Variants in TENM1 observed in about 807,000 individuals in gnomAD.
TENM1 encodes the protein teneurin transmembrane protein 1, also known as teneurin-1.
In TENM1, 35 loss-of-function variants were observed where a neutral mutation model predicts 174.8. The observed-to-expected ratio is 0.20, with a 90% CI of 0.15 to 0.27. TENM1 has a LOEUF of 0.27. Among genes scored for constraint, TENM1 ranks in the 10% least tolerant of loss-of-function variants. The pLI is 1.00. For missense variants in TENM1, 1,633 were observed against 2,130.1 expected, an observed-to-expected ratio of 0.77 and a Z score of 4.59; for synonymous variants, 781 against 798.7, an observed-to-expected ratio of 0.98 and a Z score of 0.37.
chrX:125,175,348 T>A, the TENM1 span, among the ~76,000 whole-genome samples: 5 of 111,414 alleles, frequency 4.5e-5, no homozygotes, highest in African/African-American at 1.6e-4. Context: ...AAACTGGAAA[T>A]TTAATATGAG....
the TENM1 span, among the ~76,000 whole-genome samples, chrX:125,182,928 AT>A: frequency 1.8e-5 from 2 of 112,291 alleles, no homozygotes; most frequent in African/African-American, 3.2e-5. Flanking sequence ...TTAAAAATCA[AT>A]TTAAAATAGA....
At chrX:124,578,417 C>T (rs916977337) in intron 11 of TENM1, among the ~76,000 whole-genome samples, 2 of 111,378 alleles carry the variant, frequency 1.8e-5, no homozygotes, top group East Asian at 2.8e-4. Context: ...ATTAAGAGTA[C>T]GGACTCTAAA....
intron 1 of TENM1, among the ~76,000 whole-genome samples, chrX:124,903,183 C>T (rs184652226): frequency 9.0e-6 from 1 of 111,562 alleles, no homozygotes; most frequent in Non-Finnish European, 1.9e-5. Context: ...ACTAATTATG[C>T]CTTATTTAAT....
chrX:125,196,035 A>C, the TENM1 span, among the ~76,000 whole-genome samples: 2 of 108,385 alleles, frequency 1.8e-5, no homozygotes, highest in African/African-American at 6.7e-5. Flanking sequence ...GGAAGGAAGG[A>C]AGGAAGGAAG....
chrX:124,458,801 A>G (rs1055729423), intron 22 of TENM1, among the ~76,000 whole-genome samples: 1 of 112,434 alleles, frequency 8.9e-6, no homozygotes, highest in Non-Finnish European at 1.9e-5. Flanking sequence ...GATCCTCTCA[A>G]AACTTTAGAC....
chrX:124,709,056 G>A (rs1188257214), intron 4 of TENM1, among the ~76,000 whole-genome samples: 1 of 111,833 alleles, frequency 8.9e-6, no homozygotes. Flanking sequence ...GAGACCCAAA[G>A]AGGTTTAGTA....
chrX:124,877,919 T>C (rs775149664), intron 3 of TENM1, among the ~76,000 whole-genome samples: 3 of 110,983 alleles, frequency 2.7e-5, no homozygotes, highest in African/African-American at 9.8e-5. Context: ...AAAAAGAAAA[T>C]GTTATCAAGA....
chrX:124,400,739 A>G (rs1240630511), intron 27 of TENM1, among the ~76,000 whole-genome samples: 1 of 112,123 alleles, frequency 8.9e-6, no homozygotes, highest in Non-Finnish European at 1.9e-5. Flanking sequence ...GCAAGGTACA[A>G]ACTGGATGTA....
chrX:124,834,174 AAATT>A (rs1278404300), intron 3 of TENM1, among the ~76,000 whole-genome samples: 1 of 111,854 alleles, frequency 8.9e-6, no homozygotes, highest in Non-Finnish European at 1.9e-5. Flanking sequence ...TTATGTTATT[AAATT>A]AATTAATTAA....
At chrX:124,489,500 A>G (rs2047020473) in intron 20 of TENM1, among the ~76,000 whole-genome samples, 1 of 109,886 alleles carries the variant, frequency 9.1e-6, no homozygotes, top group African/African-American at 3.3e-5. Context: ...CTATGAAGAA[A>G]CTCCATACCT....
chrX:124,695,185 C>T (rs189998199), intron 5 of TENM1, among the ~76,000 whole-genome samples: 168 of 110,896 alleles, frequency 1.5e-3, no homozygotes, highest in Non-Finnish European at 1.8e-3. Flanking sequence ...CTGGAGCGTT[C>T]ATGGTCCTAT....
rs1285426290 is a variant in TENM1, at chrX:124,716,325, C to T, written c.777-11074G>A. Among the ~76,000 whole-genome samples, 5 of 111,916 alleles carry T rather than the reference C, an allele frequency of 4.5e-5. No homozygotes were observed. The Admixed American group carries it at 4.7e-4, about 11-fold the overall frequency. On this transcript the variant is annotated intron_variant, in intron 4 of 31. Transcript: ENST00000422452. ...AAATGGAGTACAATTTCCCAACCAC[C>T]ATTTTTGTTAGGTGTGGTCCTGCGA...
intron 11 of TENM1, among the ~76,000 whole-genome samples, chrX:124,599,536 G>A (rs1199272989): frequency 9.0e-6 from 1 of 111,148 alleles, no homozygotes; most frequent in Non-Finnish European, 1.9e-5. Flanking sequence ...AACAATTAAA[G>A]GTCAAGTGGA....
intron 1 of TENM1, among the ~76,000 whole-genome samples, chrX:124,931,951 C>T (rs889611371): frequency 1.8e-5 from 2 of 111,019 alleles, no homozygotes; most frequent in Non-Finnish European, 3.8e-5. Context: ...GTAATTGTTT[C>T]GCCTTTAACT....
At chrX:124,997,494 A>G in the TENM1 span, among the ~76,000 whole-genome samples, 1 of 111,615 alleles carries the variant, frequency 9.0e-6, no homozygotes, top group Non-Finnish European at 1.9e-5. Context: ...TCAAGTATCG[A>G]CAAACACAGA....
chrX:124,471,192 T>A (rs867845850), intron 22 of TENM1, among the ~76,000 whole-genome samples: 1 of 62,421 alleles, frequency 1.6e-5, no homozygotes, highest in African/African-American at 6.0e-5. Context: ...ATAATATATA[T>A]TATATAATAT....
At chrX:125,015,382 A>C in the TENM1 span, among the ~76,000 whole-genome samples, 87 of 111,858 alleles carry the variant, frequency 7.8e-4, no homozygotes, top group East Asian at 0.018. Context: ...TCACAGAAGC[A>C]GATATATATA....
At chrX:125,063,553 TG>T in the TENM1 span, among the ~76,000 whole-genome samples, 13 of 111,354 alleles carry the variant, frequency 1.2e-4, no homozygotes, top group Non-Finnish European at 2.5e-4. Context: ...AAAAGACACA[TG>T]AAAAAAATGC....
intron 3 of TENM1, among the ~76,000 whole-genome samples, chrX:124,779,666 G>T (rs1050444883): frequency 9.0e-6 from 1 of 111,570 alleles, no homozygotes; most frequent in African/African-American, 3.3e-5. Context: ...TATGCAGAGG[G>T]CAGTTCCAAA....
Sources: allele counts gnomAD v4.1 joint callset (sites outside exome capture counted in the v4.1 genomes callset), GRCh38; gene constraint gnomAD v4.1.1; transcripts MANE v1.5; gene names NCBI Gene and HGNC (gene_info 2026-07-23, HGNC 2026-07-21).